GRID1: variants seen among roughly 807,000 people sequenced by gnomAD.
GRID1 encodes glutamate ionotropic receptor delta type subunit 1.
GRID1 carries 28 observed loss-of-function variants against 98.0 expected under a neutral mutation model. The observed-to-expected ratio is 0.29, with a 90% CI of 0.21 to 0.39. The LOEUF (loss-of-function observed/expected upper bound fraction) is 0.39. GRID1 is among the 10% of genes least tolerant of loss of function. GRID1 has a pLI of 1.00. For missense variants in GRID1, 1,111 were observed against 1,340.5 expected (o/e 0.83, Z 2.67); for synonymous variants, 553 against 538.5 (o/e 1.03, Z -0.37).
chr10:86,143,618 C>T (rs996627495), intron 3 of GRID1, among the ~76,000 whole-genome samples: 1 of 152,218 alleles, frequency 6.6e-6, no homozygotes, highest in Non-Finnish European at 1.5e-5. Flanking sequence ...CAGCTTCCAC[C>T]AACCACACGC....
intron 4 of GRID1, among the ~76,000 whole-genome samples, chr10:86,038,996 G>A (rs1410916311): frequency 6.6e-6 from 1 of 152,080 alleles, no homozygotes; most frequent in Non-Finnish European, 1.5e-5. Context: ...TTCCAAGCAG[G>A]TCAGAAATCC....
intron 4 of GRID1, among the ~76,000 whole-genome samples, chr10:85,971,293 A>T (rs1384660533): frequency 6.6e-6 from 1 of 152,064 alleles, no homozygotes; most frequent in Admixed American, 6.5e-5. Flanking sequence ...ATAGATTTTT[A>T]AAATAAGACA....
At chr10:86,171,811 A>T (rs931241842) in intron 3 of GRID1, among the ~76,000 whole-genome samples, 1 of 152,230 alleles carries the variant, frequency 6.6e-6, no homozygotes, top group Non-Finnish European at 1.5e-5. Context: ...GAGTCTTCAT[A>T]GCATGATTCA....
chr10:85,738,045 C>A (rs1286403794), intron 8 of GRID1, among the ~76,000 whole-genome samples: 1 of 151,962 alleles, frequency 6.6e-6, no homozygotes, highest in African/African-American at 2.4e-5. Flanking sequence ...TCAAGGGAGG[C>A]CACATCTACT....
chr10:86,207,767 G>A (rs1287350151), intron 2 of GRID1, among the ~76,000 whole-genome samples: 1 of 151,786 alleles, frequency 6.6e-6, no homozygotes, highest in African/African-American at 2.4e-5. Context: ...CTGTAGCTGG[G>A]ACTACAGGCA....
At chr10:85,621,045 C>T (rs1300573637) in intron 13 of GRID1, among the ~76,000 whole-genome samples, 1 of 152,210 alleles carries the variant, frequency 6.6e-6, no homozygotes, top group Non-Finnish European at 1.5e-5. Flanking sequence ...TCCTGAACAA[C>T]AATTCTAACT....
chr10:85,713,563 A>T (rs1841604545), intron 12 of GRID1, among the ~76,000 whole-genome samples: 1 of 151,686 alleles, frequency 6.6e-6, no homozygotes, highest in African/African-American at 2.4e-5. Flanking sequence ...CTACAGGCTA[A>T]TATCCCAGAT....
chr10:86,252,069 C>T (rs917018103), intron 2 of GRID1, among the ~76,000 whole-genome samples: 1 of 152,190 alleles, frequency 6.6e-6, no homozygotes, highest in East Asian at 1.9e-4. Context: ...CTGACCTTAC[C>T]TGGAGTTGCT....
intron 4 of GRID1, among the ~76,000 whole-genome samples, chr10:85,932,863 C>T (rs1365708750): frequency 2.0e-5 from 3 of 152,080 alleles, no homozygotes; most frequent in Admixed American, 2.0e-4. Flanking sequence ...GGAAAATCGG[C>T]AGCAAAACAA....
intron 8 of GRID1, among the ~76,000 whole-genome samples, chr10:85,739,997 A>G (rs1036852044): frequency 6.6e-6 from 1 of 152,166 alleles, no homozygotes; most frequent in Admixed American, 6.5e-5. Flanking sequence ...TACCTAGAGG[A>G]AGCATTGTTT....
At chr10:85,693,309 C>T (rs111859608) in intron 12 of GRID1, among the ~76,000 whole-genome samples, 33 of 151,966 alleles carry the variant, frequency 2.2e-4, no homozygotes, top group African/African-American at 5.3e-4. Context: ...TTTGGGGAGA[C>T]GGAGAGTGAG....
chr10:85,691,183 A>C (rs748114914), intron 12 of GRID1, among the ~76,000 whole-genome samples: 1 of 152,224 alleles, frequency 6.6e-6, no homozygotes, highest in Non-Finnish European at 1.5e-5. Flanking sequence ...TGGTTTTTAC[A>C]TGACAGCAGT....
At chr10:86,100,249 G>A (rs1439506236) in intron 4 of GRID1, among the ~76,000 whole-genome samples, 1 of 152,194 alleles carries the variant, frequency 6.6e-6, no homozygotes, top group East Asian at 1.9e-4. Context: ...CATGCAGGCT[G>A]TAGAATATAA....
chr10:85,613,755 C>A (rs111298119), intron 14 of GRID1, 108 bp from the exon 15 acceptor site: 1 of 1,309,654 alleles, frequency 7.6e-7, no homozygotes, highest in Admixed American at 2.1e-5. Context: ...CAACATTGAG[C>A]CATCCTAGCA....
At chr10:86,155,168 G>A (rs1216308597) in intron 3 of GRID1, among the ~76,000 whole-genome samples, 1 of 152,190 alleles carries the variant, frequency 6.6e-6, no homozygotes, top group Non-Finnish European at 1.5e-5. Context: ...GATGCCCTCT[G>A]CCCAGGCCAG....
chr10:86,350,810 T>C (rs985055186), intron 2 of GRID1, among the ~76,000 whole-genome samples: 1 of 152,198 alleles, frequency 6.6e-6, no homozygotes, highest in African/African-American at 2.4e-5. Context: ...CAAATTCCTC[T>C]CTTCTAGCTG....
At chr10:85,734,248 T>C (rs1841855474) in intron 8 of GRID1, among the ~76,000 whole-genome samples, 1 of 152,056 alleles carries the variant, frequency 6.6e-6, no homozygotes, top group South Asian at 2.1e-4. Context: ...AACTGTTGAG[T>C]TGGGAGATAG....
At chr10:85,866,671 G>A (rs1449249609) in intron 6 of GRID1, among the ~76,000 whole-genome samples, 1 of 152,040 alleles carries the variant, frequency 6.6e-6, no homozygotes, top group Non-Finnish European at 1.5e-5. Flanking sequence ...CTTTCCGTAT[G>A]TTCTCCGATT....
At chr10:86,120,273 AC>A (rs1844646384) in intron 4 of GRID1, among the ~76,000 whole-genome samples, 1 of 151,994 alleles carries the variant, frequency 6.6e-6, no homozygotes. Flanking sequence ...CTATGCTCCT[AC>A]CCTTGCTGCC....
Sources: allele counts gnomAD v4.1 joint callset (sites outside exome capture counted in the v4.1 genomes callset), GRCh38; gene constraint gnomAD v4.1.1; transcripts MANE v1.5; gene names NCBI Gene and HGNC (gene_info 2026-07-23, HGNC 2026-07-21).